The following HTR4 variants were observed in gnomAD, a reference collection of about 807,000 sequenced individuals.
The protein encoded by HTR4 is 5-hydroxytryptamine (serotonin) receptor 4, G protein-coupled.
HTR4 carries 16 observed loss-of-function variants against 36.8 expected under a neutral mutation model. The observed-to-expected ratio is 0.43, with a 90% confidence interval of 0.29 to 0.66. The LOEUF (loss-of-function observed/expected upper bound fraction) is 0.66, where lower values mean the gene tolerates loss of function less well. HTR4 is among the 30% of genes least tolerant of loss of function. The pLI is 0.13. For synonymous variants in HTR4, 189 were observed against 185.1 expected (o/e 1.02, Z -0.17); for missense variants, 438 against 490.9 (o/e 0.89, Z 1.02).
chr5:148,534,406 T>C (rs1050418766), intron 4 of HTR4, among the ~76,000 whole-genome samples: 1 of 152,186 alleles, frequency 6.6e-6, no homozygotes. Context: ...GTAGCCAGAC[T>C]TAAGTGGGTA....
chr5:148,526,361 A>G (rs1646383919), intron 4 of HTR4, among the ~76,000 whole-genome samples: 1 of 152,210 alleles, frequency 6.6e-6, no homozygotes, highest in Admixed American at 6.5e-5. Flanking sequence ...TCATAGCTCA[A>G]GTTTTGGCAT....
At chr5:148,525,098 G>A (rs767638449) in intron 4 of HTR4, among the ~76,000 whole-genome samples, 28 of 152,196 alleles carry the variant, frequency 1.8e-4, no homozygotes, top group Non-Finnish European at 2.4e-4. Flanking sequence ...GTCTTGCTCC[G>A]AAAAACCATT....
At chr5:148,573,948 C>T (rs1760781694) in intron 2 of HTR4, among the ~76,000 whole-genome samples, 1 of 152,036 alleles carries the variant, frequency 6.6e-6, no homozygotes, top group Admixed American at 6.6e-5. Flanking sequence ...GAATACTTTG[C>T]TAAGTGTACC....
At chr5:148,652,024 CAAT>C (rs1160812664) in intron 1 of HTR4, among the ~76,000 whole-genome samples, 1 of 152,026 alleles carries the variant, frequency 6.6e-6, no homozygotes, top group Non-Finnish European at 1.5e-5. Flanking sequence ...CTATGTCACT[CAAT>C]GATGCTATAG....
At position 148,587,758 on chromosome 5, in the gene HTR4, C is replaced by A. The variant is rs1479386911; in HGVS notation, c.27-37496G>T. Among the ~76,000 whole-genome samples, 4 of 152,168 alleles carry A rather than the reference C, an allele frequency of 2.6e-5. No individual in the cohort carries two copies. In the East Asian group the frequency reaches 5.8e-4, roughly 22 times the overall value. On this transcript the variant is annotated intron_variant, in intron 2 of 6. Transcript: ENST00000377888. Reference sequence around the variant, plus strand: ...TACTTTGGGGAAGCCTTTGCAGAAACAAGACAGTCTGGAAGAAAGGGAAAC... The same window carrying A: ...TACTTTGGGGAAGCCTTTGCAGAAAAAAGACAGTCTGGAAGAAAGGGAAAC...
At chr5:148,555,970 ACT>A (rs1317889300) in intron 2 of HTR4, among the ~76,000 whole-genome samples, 9 of 146,498 alleles carry the variant, frequency 6.1e-5, no homozygotes, top group Admixed American at 3.7e-4. Context: ...ACACACACAC[ACT>A]CTCTCTCTCT....
intron 2 of HTR4, among the ~76,000 whole-genome samples, chr5:148,561,832 A>G (rs1370296736): frequency 6.6e-6 from 1 of 152,182 alleles, no homozygotes. Context: ...TACCCTAAGC[A>G]TAAGCACTCA....
At chr5:148,602,126 T>G (rs1292433998) in intron 2 of HTR4, among the ~76,000 whole-genome samples, 3 of 152,138 alleles carry the variant, frequency 2.0e-5, no homozygotes, top group Admixed American at 6.5e-5. Context: ...AGCTCTTATG[T>G]TAAGTGTTCT....
At chr5:148,478,241 T>A (rs1046832999), downstream of HTR4, among the ~76,000 whole-genome samples, 1 of 152,192 alleles carries the variant, frequency 6.6e-6, no homozygotes, top group Admixed American at 6.5e-5. Flanking sequence ...AAATCAATAC[T>A]AGTCTCTTCC....
chr5:148,468,613 C>G (rs1755490593), intron 5 of HTR4, among the ~76,000 whole-genome samples: 1 of 152,168 alleles, frequency 6.6e-6, no homozygotes, highest in Non-Finnish European at 1.5e-5. Context: ...CAGCTTACTT[C>G]CATCGTTGGA....
chr5:148,514,486 A>G (rs1251761913), intron 5 of HTR4, among the ~76,000 whole-genome samples: 1 of 152,096 alleles, frequency 6.6e-6, no homozygotes, highest in Non-Finnish European at 1.5e-5. Context: ...ATTGAAGGAC[A>G]TTTCCACCAA....
intron 1 of HTR4, among the ~76,000 whole-genome samples, chr5:148,643,658 C>T (rs1262156028): frequency 6.6e-6 from 1 of 152,162 alleles, no homozygotes; most frequent in Non-Finnish European, 1.5e-5. Flanking sequence ...GAATAAATGG[C>T]ATGGCATAAT....
At chr5:148,542,458 T>C (rs983536815) in intron 4 of HTR4, among the ~76,000 whole-genome samples, 1 of 152,196 alleles carries the variant, frequency 6.6e-6, no homozygotes, top group African/African-American at 2.4e-5. Flanking sequence ...GAATTGTATG[T>C]TTTACAAGTA....
chr5:148,535,114 T>C (rs1229676353), intron 4 of HTR4, among the ~76,000 whole-genome samples: 1 of 152,082 alleles, frequency 6.6e-6, no homozygotes, highest in Non-Finnish European at 1.5e-5. Context: ...AGCTTAAGCA[T>C]CAAAAATACC....
intron 5 of HTR4, chr5:148,451,295 A>G (rs759706410): frequency 6.2e-7 from 1 of 1,613,462 alleles, no homozygotes; most frequent in Non-Finnish European, 8.5e-7. Context: ...GAAAGAAGGC[A>G]TGAGAATTCA....
chr5:148,483,139 A>G lies in HTR4; in HGVS notation c.*64T>C. On this transcript the variant is annotated 3_prime_UTR_variant, in exon 7 of 7. Transcript: ENST00000377888. Reference sequence around the variant, plus strand: ...ATACCGGGTGCAGTCGCGCACAAGCAGCAGCTTAGGACCTGGCCCTCTTTC... The same window carrying G: ...ATACCGGGTGCAGTCGCGCACAAGCGGCAGCTTAGGACCTGGCCCTCTTTC... The G allele has an allele frequency of 6.2e-7, 1 of 1,610,252 alleles. No homozygotes were observed. The highest frequency in any genetic ancestry group is 8.5e-7 in the Non-Finnish European group (1 of 1,177,574).
At chr5:148,651,702 G>GAATATTATTGAAT (rs1281459938) in intron 1 of HTR4, among the ~76,000 whole-genome samples, 7 of 150,954 alleles carry the variant, frequency 4.6e-5, no homozygotes, top group Non-Finnish European at 1.0e-4. Flanking sequence ...TAATATTATT[G>GAATATTATTGAAT]AATATTATTG....
intron 2 of HTR4, among the ~76,000 whole-genome samples, chr5:148,632,914 A>G (rs1753375549): frequency 6.6e-6 from 1 of 152,164 alleles, no homozygotes; most frequent in Non-Finnish European, 1.5e-5. Context: ...AGGCACCAGC[A>G]AGGCTCATTC....
intron 4 of HTR4, among the ~76,000 whole-genome samples, chr5:148,527,329 G>A (rs1758330258): frequency 1.3e-5 from 2 of 152,104 alleles, no homozygotes; most frequent in African/African-American, 4.8e-5. Flanking sequence ...TTACAAGAGG[G>A]CTTTAGAATG....
Sources: gnomAD v4.1 joint callset for allele counts (sites outside exome capture counted in the v4.1 genomes callset) on GRCh38, gnomAD v4.1.1 for gene constraint, MANE v1.5 for transcripts, NCBI Gene and HGNC (gene_info 2026-07-23, HGNC 2026-07-21) for gene names.